Variants in NAV2 observed in about 807,000 individuals in gnomAD.
NAV2 encodes helicase, APC down-regulated 1.
In NAV2, 54 loss-of-function variants were observed where a neutral mutation model predicts 223.2. That is an observed-to-expected ratio of 0.24 (90% CI 0.19 to 0.30). The LOEUF is 0.30. Among genes scored for constraint, NAV2 ranks in the 10% least tolerant of loss-of-function variants. NAV2 has a pLI of 1.00. For synonymous variants in NAV2, 1,279 were observed against 1,239.3 expected (o/e 1.03, Z -0.67); for missense variants, 2,806 against 3,147.5 (o/e 0.89, Z 2.60).
intron 16 of NAV2, among the ~76,000 whole-genome samples, chr11:20,050,571 A>AG (rs1442358185): frequency 4.1e-5 from 6 of 146,048 alleles, no homozygotes; most frequent in Non-Finnish European, 7.4e-5. Context: ...GTCTCCTGCC[A>AG]GAAAAAAAAA....
chr11:20,073,620 A>T (rs1370111013), intron 22 of NAV2, among the ~76,000 whole-genome samples: 2 of 152,004 alleles, frequency 1.3e-5, no homozygotes, highest in South Asian at 2.1e-4. Flanking sequence ...AGAACTTCTT[A>T]TTGGTCTTCT....
chr11:19,540,347 CACA>C (rs1321225898), intron 1 of NAV2, among the ~76,000 whole-genome samples: 2 of 152,220 alleles, frequency 1.3e-5, no homozygotes, highest in African/African-American at 2.4e-5. Flanking sequence ...ACAAAATTAT[CACA>C]ACATCAGCAA....
intron 1 of NAV2, among the ~76,000 whole-genome samples, chr11:19,828,169 T>C (rs560154276): frequency 6.6e-6 from 1 of 152,180 alleles, no homozygotes; most frequent in Non-Finnish European, 1.5e-5. Context: ...AACAATTTTT[T>C]AAGGGGGGGA....
chr11:19,628,944 C>A (rs1238614460), intron 1 of NAV2, among the ~76,000 whole-genome samples: 4 of 152,168 alleles, frequency 2.6e-5, no homozygotes, highest in East Asian at 1.9e-4. Flanking sequence ...GCCACCCTGA[C>A]CTTGCTGCAA....
chr11:19,376,054 T>C (rs1226619867), intron 1 of NAV2, among the ~76,000 whole-genome samples: 8 of 152,242 alleles, frequency 5.3e-5, no homozygotes, highest in African/African-American at 1.9e-4. Context: ...TCATTAATTA[T>C]CTTTCCAATG....
At chr11:19,706,419 A>G (rs2049664547) in intron 1 of NAV2, among the ~76,000 whole-genome samples, 1 of 152,212 alleles carries the variant, frequency 6.6e-6, no homozygotes, top group African/African-American at 2.4e-5. Flanking sequence ...ATTAATCAAC[A>G]TACCTGATAA....
At chr11:19,735,335 G>C (rs1412942634) in intron 1 of NAV2, among the ~76,000 whole-genome samples, 2 of 152,212 alleles carry the variant, frequency 1.3e-5, no homozygotes, top group African/African-American at 4.8e-5. Flanking sequence ...GTACTAGAGA[G>C]TCTGCATTTC....
At chr11:19,404,350 C>T (rs541182448) in intron 1 of NAV2, among the ~76,000 whole-genome samples, 3 of 152,186 alleles carry the variant, frequency 2.0e-5, no homozygotes, top group Non-Finnish European at 4.4e-5. Flanking sequence ...GGCAAGGGAG[C>T]AGAGCTGAAT....
chr11:19,503,945 A>C (rs1224068121), intron 1 of NAV2: 1 of 152,246 alleles, frequency 6.6e-6, no homozygotes, highest in African/African-American at 2.4e-5. Flanking sequence ...TCCAAAATAT[A>C]CAAATAACTC....
chr11:20,046,369 A>G (rs983089651), intron 14 of NAV2, among the ~76,000 whole-genome samples: 2 of 151,918 alleles, frequency 1.3e-5, no homozygotes, highest in African/African-American at 2.4e-5. Context: ...GCTACCATCC[A>G]ATCCAGAATG....
chr11:19,750,247 C>T (rs1374574500), intron 1 of NAV2, among the ~76,000 whole-genome samples: 2 of 152,218 alleles, frequency 1.3e-5, no homozygotes, highest in Non-Finnish European at 2.9e-5. Flanking sequence ...TCTTTTCTCT[C>T]TTCACATGCA....
intron 1 of NAV2, among the ~76,000 whole-genome samples, chr11:19,458,046 T>C (rs2702690): frequency 0.97 from 147,404 of 152,280 alleles, 71,528 homozygotes; most frequent in East Asian, 1. Context: ...GTCCCCCTCC[T>C]ATGATGGTTT....
At chr11:19,884,576 G>A (rs1430571394) in intron 5 of NAV2, among the ~76,000 whole-genome samples, 1 of 152,204 alleles carries the variant, frequency 6.6e-6, no homozygotes, top group Admixed American at 6.5e-5. Context: ...AAGTGACAGA[G>A]TGCAAGTGAG....
chr11:20,033,920 G>T (rs910998457), intron 11 of NAV2, among the ~76,000 whole-genome samples: 1 of 152,214 alleles, frequency 6.6e-6, no homozygotes, highest in Non-Finnish European at 1.5e-5. Flanking sequence ...CAGCAAGACT[G>T]TGGAAGACTG....
intron 1 of NAV2, among the ~76,000 whole-genome samples, chr11:19,740,534 G>A (rs969620350): frequency 2.6e-5 from 4 of 151,726 alleles, no homozygotes; most frequent in Admixed American, 6.6e-5. Flanking sequence ...CCCCCTCTCT[G>A]AGAAACACCC....
chr11:20,088,885 A>G (rs2060631120), intron 26 of NAV2, among the ~76,000 whole-genome samples: 1 of 152,154 alleles, frequency 6.6e-6, no homozygotes, highest in Non-Finnish European at 1.5e-5. Flanking sequence ...TGATTTGGCT[A>G]AGAAGGGAGT....
intron 1 of NAV2, among the ~76,000 whole-genome samples, chr11:19,603,541 C>T (rs1049400559): frequency 2.0e-5 from 3 of 149,954 alleles, no homozygotes; most frequent in African/African-American, 4.9e-5. Context: ...GCAGGAGGAT[C>T]GCTTGGACCC....
chr11:19,363,609 C>T (rs1590055096), intron 1 of NAV2, among the ~76,000 whole-genome samples: 1 of 152,334 alleles, frequency 6.6e-6, no homozygotes, highest in East Asian at 1.9e-4. Flanking sequence ...AACCAATTCT[C>T]TGACTGCGTG....
chr11:19,749,279 G>A (rs2053611424), intron 1 of NAV2, among the ~76,000 whole-genome samples: 1 of 152,162 alleles, frequency 6.6e-6, no homozygotes, highest in Non-Finnish European at 1.5e-5. Flanking sequence ...AACCAAGCAA[G>A]GTGTGAGGAG....
Sources: allele counts gnomAD v4.1 joint callset (sites outside exome capture counted in the v4.1 genomes callset), GRCh38; gene constraint gnomAD v4.1.1; transcripts MANE v1.5; gene names NCBI Gene and HGNC (gene_info 2026-07-23, HGNC 2026-07-21).